Variants in SIPA1L2 observed in about 807,000 individuals in gnomAD.
SIPA1L2 encodes the protein signal induced proliferation associated 1 like 2.
Under a neutral mutation model 163.9 loss-of-function variants are expected in SIPA1L2, and 56 were observed. The ratio of observed to expected loss-of-function variants is 0.34; its 90% CI spans 0.28 to 0.43. SIPA1L2 has a LOEUF of 0.43. SIPA1L2 is among the 20% of genes least tolerant of loss of function. SIPA1L2 has a pLI of 1.00. For synonymous variants in SIPA1L2, 877 were observed against 865.7 expected (o/e 1.01, Z -0.23); for missense variants, 1,974 against 2,193.5 (o/e 0.90, Z 2.00).
chr1:232,471,593 C>T lies in SIPA1L2; in HGVS notation c.2086-65G>A, dbSNP rs541404477. 3 of 1,303,954 alleles carry T rather than the reference C, an allele frequency of 2.3e-6. 1 individual carries two copies. Among genetic ancestry groups the T allele is most frequent in the African/African-American group, 3.1e-5 (2 of 64,794 alleles). 80.8% of individuals were successfully genotyped at this position (1,303,954 alleles called of 1,614,324 possible). ...TTTAAAACAAAATATATATATAATT[C>T]ACTCATCTTTCAATTTGAAGGAGTG... is the stretch of plus-strand genomic sequence containing the variant. On this transcript the variant is annotated intron_variant, in intron 7 of 22. Coordinates refer to ENST00000674635, the MANE Select transcript of SIPA1L2 (RefSeq NM_020808.5).
intron 1 of SIPA1L2, among the ~76,000 whole-genome samples, chr1:232,597,485 G>T (rs1373413039): frequency 6.6e-6 from 1 of 150,952 alleles, no homozygotes; most frequent in Non-Finnish European, 1.5e-5. Flanking sequence ...AGACCATCCT[G>T]GCTAACACGG....
In SIPA1L2 at chr1:232,449,885, C is replaced by T. The variant is rs188831470; in HGVS notation, c.3096-4099G>A. 2.9e-3 allele frequency among the ~76,000 whole-genome samples: 439 copies of T among 152,266 alleles called. 4 individuals carry two copies. The highest frequency in any genetic ancestry group is 0.016 in the South Asian group (77 of 4,826). ...CAATACTAGAAGGTACAAAATATAA[C>T]AAAGGAAATCCTTGTAAAATTCTGG... On this transcript the variant is annotated intron_variant, in intron 10 of 22. Transcript: ENST00000674635.
intron 6 of SIPA1L2, among the ~76,000 whole-genome samples, chr1:232,480,811 C>T (rs2102971136): frequency 6.6e-6 from 1 of 152,180 alleles, no homozygotes; most frequent in South Asian, 2.1e-4. Context: ...TTAAGTTAAT[C>T]TTTTTTTAAT....
chr1:232,542,590 A>C (rs1445629073), intron 2 of SIPA1L2, among the ~76,000 whole-genome samples: 1 of 152,108 alleles, frequency 6.6e-6, no homozygotes, highest in Non-Finnish European at 1.5e-5. Context: ...CACCCTAGCA[A>C]TCAGGGCCCT....
intron 2 of SIPA1L2, among the ~76,000 whole-genome samples, chr1:232,550,933 T>C (rs921843678): frequency 1.3e-5 from 2 of 152,098 alleles, no homozygotes; most frequent in Non-Finnish European, 1.5e-5. Context: ...CAGAGTGCCA[T>C]TGAGGACAAT....
chr1:232,574,991 C>G (rs965248012), intron 1 of SIPA1L2, among the ~76,000 whole-genome samples: 4 of 152,188 alleles, frequency 2.6e-5, no homozygotes, highest in Non-Finnish European at 4.4e-5. Context: ...GGCGAATCAG[C>G]AAGCGCAGGA....
At chr1:232,462,264 C>T (rs913679029) in intron 9 of SIPA1L2, 1 of 1,550,798 alleles carries the variant, frequency 6.4e-7, no homozygotes, top group South Asian at 1.2e-5. Flanking sequence ...ATGACCTCAC[C>T]TATCTGTGGG....
intron 9 of SIPA1L2, chr1:232,462,443 A>G: frequency 7.8e-7 from 1 of 1,284,818 alleles, no homozygotes; most frequent in Non-Finnish European, 1.0e-6. Flanking sequence ...GGGCTGGTTC[A>G]TGTATCACCA....
At chr1:232,409,472 T>C (rs560084439) in intron 19 of SIPA1L2, among the ~76,000 whole-genome samples, 33 of 152,200 alleles carry the variant, frequency 2.2e-4, no homozygotes, top group African/African-American at 7.7e-4. Context: ...CATCAAGAGG[T>C]AGAGGTAGAG....
intron 19 of SIPA1L2, among the ~76,000 whole-genome samples, chr1:232,408,917 T>C (rs532561514): frequency 1.3e-5 from 2 of 152,320 alleles, no homozygotes; most frequent in South Asian, 2.1e-4. Context: ...CACTACTCCA[T>C]AATTAAAGCA....
In SIPA1L2 at chr1:232,514,607, G is replaced by A; in HGVS notation, c.733C>T (p.His245Tyr). Reference protein sequence around the residue: ...RCDPAISPSLHAAAQISRGEF... With the variant: ...RCDPAISPSLYAAAQISRGEF... ...CCCCTAGAAATCTGTGCTGCTGCAT[G>A]AAGGCTCGGAGAGATTGCAGGGTCA... The change falls in exon 3 of 23, where the codon CAT (histidine) becomes TAT (tyrosine). Residue 245 changes from histidine (H) to tyrosine (Y), a missense_variant. His to Tyr is a moderately conservative substitution (Grantham distance 83). This residue lies in a region of SIPA1L2 where 607 missense variants were observed against 624.0 expected (regional missense o/e 0.97). Transcript: ENST00000674635. 1.2e-6 allele frequency: 2 copies of A among 1,614,220 alleles called. No homozygotes were observed. Among genetic ancestry groups the A allele is most frequent in the African/African-American group, 1.3e-5 (1 of 75,060 alleles).
intron 2 of SIPA1L2, among the ~76,000 whole-genome samples, chr1:232,563,155 T>C (rs1659144838): frequency 6.6e-6 from 1 of 152,222 alleles, no homozygotes; most frequent in African/African-American, 2.4e-5. Context: ...TTGTGTGGTG[T>C]AGTGCCTAAA....
In SIPA1L2 at chr1:232,464,943, C is replaced by G; in HGVS notation, c.2717G>C (p.Gly906Ala). ...SCRDVIGWTS[G>A]LVSIKVFYER... ...GTAAAACACTTTGATACTCACTAATCCAGATGTCCACCCAATCACATCCCT... is the reference window on the plus strand; with the variant it reads ...GTAAAACACTTTGATACTCACTAATGCAGATGTCCACCCAATCACATCCCT... Residue 906 changes from glycine (G) to alanine (A), a missense_variant, in exon 9 of 23, where the codon GGA becomes GCA. Gly to Ala is a moderately conservative substitution (Grantham distance 60, BLOSUM62 0). This residue lies in a region of SIPA1L2 where 1,079 missense variants were observed against 1,150.7 expected (regional missense o/e 0.94). Transcript: ENST00000674635. 1 of 1,614,218 alleles carries G rather than the reference C, an allele frequency of 6.2e-7. No homozygotes were observed. The highest frequency in any genetic ancestry group is 8.5e-7 in the Non-Finnish European group (1 of 1,180,034).
chr1:232,402,198 C>A (rs1199049620), intron 22 of SIPA1L2, among the ~76,000 whole-genome samples, 194 bp downstream of exon 22: 1 of 152,208 alleles, frequency 6.6e-6, no homozygotes, highest in African/African-American at 2.4e-5. Flanking sequence ...GAGATCCCTG[C>A]ATCCCACAAA....
At chr1:232,531,325 G>A (rs1656922680) in intron 2 of SIPA1L2, among the ~76,000 whole-genome samples, 1 of 151,968 alleles carries the variant, frequency 6.6e-6, no homozygotes. Flanking sequence ...TTCCTTATTG[G>A]AGTTCCCTCC....
At chr1:232,540,498 G>A (rs1441994666) in intron 2 of SIPA1L2, among the ~76,000 whole-genome samples, 1 of 152,106 alleles carries the variant, frequency 6.6e-6, no homozygotes, top group Admixed American at 6.6e-5. Context: ...CCCTCTGAAT[G>A]AGGGAAGGAA....
At chr1:232,399,488 C>T (rs1439333522) in intron 22 of SIPA1L2, among the ~76,000 whole-genome samples, 1 of 151,952 alleles carries the variant, frequency 6.6e-6, no homozygotes, top group Non-Finnish European at 1.5e-5. Context: ...GTTCTTTCAT[C>T]CCACTCTGCT....
intron 2 of SIPA1L2, among the ~76,000 whole-genome samples, chr1:232,541,870 A>G (rs1468520363): frequency 7.9e-6 from 1 of 126,816 alleles, no homozygotes; most frequent in African/African-American, 2.7e-5. Context: ...AAAAAAAAAA[A>G]AAAAGTAATT....
chr1:232,514,683 A>C lies in SIPA1L2; in HGVS notation c.657T>G (p.Asn219Lys), dbSNP rs758681597. Residue 219 changes from asparagine (N) to lysine (K), a missense_variant, in exon 3 of 23, where the codon AAT becomes AAG. This residue lies in a region of SIPA1L2 where 607 missense variants were observed against 624.0 expected (regional missense o/e 0.97). Coordinates refer to ENST00000674635, the MANE Select transcript of SIPA1L2 (RefSeq NM_020808.5). ...AAGGGACCATTGCTTTGTGGTCATA[A>C]TTTTCTACTCGGTACCCTCTGAGCA... Reference protein sequence around the residue: ...FAMLRGYRVENYDHKAMVPFG... With the variant: ...FAMLRGYRVEKYDHKAMVPFG... The C allele has an allele frequency of 6.2e-7, 1 of 1,614,208 alleles. No individual in the cohort carries two copies. Among genetic ancestry groups the C allele is most frequent in the Non-Finnish European group, 8.5e-7 (1 of 1,180,036 alleles).
Sources: allele counts gnomAD v4.1 joint callset (sites outside exome capture counted in the v4.1 genomes callset), GRCh38; gene constraint gnomAD v4.1.1; regional missense constraint gnomAD v4.1.1; transcripts MANE v1.5; gene names NCBI Gene and HGNC (gene_info 2026-07-23, HGNC 2026-07-21).